The following ZBTB44 variants were observed in gnomAD, a reference collection of about 807,000 sequenced individuals.
ZBTB44 encodes zinc finger and BTB domain-containing protein 44.
Under a neutral mutation model 54.0 loss-of-function variants are expected in ZBTB44, and 15 were observed. The observed-to-expected ratio is 0.28, with a 90% CI of 0.19 to 0.43. The LOEUF (loss-of-function observed/expected upper bound fraction) is 0.43, where lower values mean the gene tolerates loss of function less well. Among genes scored for constraint, ZBTB44 ranks in the 20% least tolerant of loss-of-function variants. ZBTB44 has a pLI of 1.00. For missense variants in ZBTB44, 487 were observed against 707.1 expected (o/e 0.69, Z 3.53); for synonymous variants, 230 against 250.1 (o/e 0.92, Z 0.76).
chr11:130,293,306 TAAA>T (rs71061378), intron 1 of ZBTB44, among the ~76,000 whole-genome samples: 8 of 134,696 alleles, frequency 5.9e-5, no homozygotes, highest in Admixed American at 7.4e-5. Context: ...TACTAAAAAT[TAAA>T]AAAAAAAAAA....
intron 5 of ZBTB44, among the ~76,000 whole-genome samples, chr11:130,235,516 T>C (rs538942975): frequency 6.6e-6 from 1 of 152,004 alleles, no homozygotes; most frequent in South Asian, 2.1e-4. Context: ...ACAAATAAGG[T>C]TTTAAGTCAG....
At chr11:130,260,794 AG>A (rs2136432270) in intron 2 of ZBTB44, 61 bp downstream of exon 2, 1 of 1,506,368 alleles carries the variant, frequency 6.6e-7, no homozygotes, top group East Asian at 2.3e-5. Context: ...TTTATCTAAC[AG>A]GAACTTAAAA....
At chr11:130,293,074 T>G (rs1162031472) in intron 1 of ZBTB44, among the ~76,000 whole-genome samples, 1 of 152,212 alleles carries the variant, frequency 6.6e-6, no homozygotes, top group East Asian at 1.9e-4. Context: ...TGAAAGTGTT[T>G]TGTGATCTTT....
intron 2 of ZBTB44, among the ~76,000 whole-genome samples, chr11:130,258,956 C>A (rs1309157767): frequency 6.6e-6 from 1 of 152,114 alleles, no homozygotes; most frequent in Admixed American, 6.6e-5. Flanking sequence ...AGCCAAATCA[C>A]GAGTGAACTC....
chr11:130,294,978 C>A (rs1025469125), intron 1 of ZBTB44, among the ~76,000 whole-genome samples: 2 of 152,102 alleles, frequency 1.3e-5, no homozygotes, highest in Non-Finnish European at 2.9e-5. Flanking sequence ...ACTGCATATA[C>A]GCTTTAAAAT....
chr11:130,294,402 A>C (rs1251301255), intron 1 of ZBTB44, among the ~76,000 whole-genome samples: 1 of 151,492 alleles, frequency 6.6e-6, no homozygotes, highest in Non-Finnish European at 1.5e-5. Flanking sequence ...ACAGAGAGAG[A>C]CTCTGTCTTA....
chr11:130,237,871 C>T (rs1954176420), intron 4 of ZBTB44, among the ~76,000 whole-genome samples: 1 of 152,108 alleles, frequency 6.6e-6, no homozygotes, highest in East Asian at 1.9e-4. Context: ...CCACAAGAAT[C>T]CTGTTGCCTT....
chr11:130,303,989 C>T (rs528829138), intron 1 of ZBTB44, among the ~76,000 whole-genome samples: 2 of 152,260 alleles, frequency 1.3e-5, no homozygotes, highest in South Asian at 4.1e-4. Flanking sequence ...CCAATATCAA[C>T]ATTGTAACTA....
rs766236774 is a variant in ZBTB44 at position 130,261,702 on chromosome 11, T to C, written c.172A>G (p.Thr58Ala). 4 of 1,614,040 alleles carry C rather than the reference T, an allele frequency of 2.5e-6. No homozygotes were observed. The South Asian group carries it at 4.4e-5, about 18-fold the overall frequency. Residue 58 changes from threonine to alanine, a missense_variant, in exon 2 of 8, where the codon ACC becomes GCC. By Grantham distance (58) the Thr-to-Ala change is moderately conservative. This residue lies in a region of ZBTB44 where 90 missense variants were observed against 160.3 expected (regional missense o/e 0.56). Transcript: ENST00000357899. The surrounding 1 kb of genome is among the most constrained non-coding windows in gnomAD (Gnocchi z 4.8). ...VLAACSDFFR[T>A]KLVGQAEDEN... ...TCCTCGGCTTGGCCTACAAGTTTGGTGCGAAAGAAATCACTGCAAGCTGCT... is the reference window on the plus strand; with the variant it reads ...TCCTCGGCTTGGCCTACAAGTTTGGCGCGAAAGAAATCACTGCAAGCTGCT...
At chr11:130,273,526 C>T (rs900180577) in intron 1 of ZBTB44, among the ~76,000 whole-genome samples, 6 of 151,880 alleles carry the variant, frequency 4.0e-5, no homozygotes, top group Non-Finnish European at 2.9e-5. Context: ...TTGCCCAGGC[C>T]GGTCTCAAAC....
At position 130,228,594 on chromosome 11, in the gene ZBTB44, C is replaced by T. The variant is rs1327341763; in HGVS notation, c.*3170G>A. 1.3e-5 allele frequency: 2 copies of T among 152,128 alleles called. No homozygotes were observed. The highest frequency in any genetic ancestry group is 2.4e-5 in the African/African-American group (1 of 41,424). The allele number at this position is 152,128 out of a possible 1,614,324, so 9.4% of individuals were successfully genotyped here. ...CAGCTTCCACTAATACCAAGGGAAA[C>T]GTGCATTAAGAGGAGAGATGACAGG... On this transcript the variant is annotated 3_prime_UTR_variant, in exon 8 of 8. Transcript: ENST00000357899.
chr11:130,298,561 C>T (rs1941804169), intron 1 of ZBTB44, among the ~76,000 whole-genome samples: 1 of 148,734 alleles, frequency 6.7e-6, no homozygotes, highest in Non-Finnish European at 1.5e-5. Flanking sequence ...CTCCTGGGTT[C>T]AAGCGATTCT....
At chr11:130,291,027 C>T (rs565581221) in intron 1 of ZBTB44, among the ~76,000 whole-genome samples, 6 of 152,318 alleles carry the variant, frequency 3.9e-5, no homozygotes, top group African/African-American at 1.4e-4. Context: ...CATATTCCCA[C>T]TCTCCCAGCT....
In ZBTB44 at chr11:130,229,238, GAAA is replaced by G. The variant is rs1227978911; in HGVS notation, c.*2523_*2525del. On this transcript the variant is annotated 3_prime_UTR_variant, in exon 8 of 8. Coordinates refer to ENST00000357899, the MANE Select transcript of ZBTB44 (RefSeq NM_001301098.2). ...ATAAAAATATAATCACGATAGAGTGGAAATGTCTAACTGTATTAGTTTAGTAAA... is the reference window on the plus strand; with the variant it reads ...ATAAAAATATAATCACGATAGAGTGGTGTCTAACTGTATTAGTTTAGTAAA... 6.6e-6 allele frequency: 1 copy of G among 152,034 alleles called. No individual in the cohort carries two copies. Among genetic ancestry groups the G allele is most frequent in the Non-Finnish European group, 1.5e-5 (1 of 68,020 alleles). 9.4% of individuals were successfully genotyped at this position (152,034 alleles called of 1,614,324 possible). A position where few individuals can be genotyped will look rare whatever the true frequency, so the allele number is the denominator to read the frequency against.
chr11:130,277,997 T>C (rs1940231512), intron 1 of ZBTB44, among the ~76,000 whole-genome samples: 1 of 152,218 alleles, frequency 6.6e-6, no homozygotes, highest in Admixed American at 6.5e-5. Flanking sequence ...TGGTTCCATT[T>C]TGAGTGAGTT....
chr11:130,314,850 G>C lies in ZBTB44; in HGVS notation c.-532C>G, dbSNP rs1231122866. On this transcript the variant is annotated 5_prime_UTR_variant, in exon 1 of 8. Transcript: ENST00000357899. ...GAGCCGCCGCCGCGCGCGTGCGGCC[G>C]GCGCCGCCGCCGTTGCCGCTCCGCT... 6.7e-6 allele frequency: 1 copy of C among 148,884 alleles called. No individual in the cohort carries two copies. The highest frequency in any genetic ancestry group is 1.5e-5 in the Non-Finnish European group (1 of 67,232). The allele number at this position is 148,884 out of a possible 1,614,324, so 9.2% of individuals were successfully genotyped here. A position where few individuals can be genotyped will look rare whatever the true frequency, so the allele number is the denominator to read the frequency against.
intron 1 of ZBTB44, among the ~76,000 whole-genome samples, chr11:130,303,186 A>G (rs1047027293): frequency 6.6e-6 from 1 of 152,258 alleles, no homozygotes; most frequent in Admixed American, 6.5e-5. Context: ...GGAATCATCT[A>G]AAGTTGTTTC....
At chr11:130,291,759 A>G (rs960986299) in intron 1 of ZBTB44, among the ~76,000 whole-genome samples, 1 of 152,228 alleles carries the variant, frequency 6.6e-6, no homozygotes, top group Non-Finnish European at 1.5e-5. Flanking sequence ...GGAATCAATC[A>G]CATCTGTACT....
chr11:130,310,682 T>G (rs1221846138), intron 1 of ZBTB44, among the ~76,000 whole-genome samples: 1 of 152,234 alleles, frequency 6.6e-6, no homozygotes, highest in African/African-American at 2.4e-5. Flanking sequence ...ATGGTAAAGG[T>G]AAACAATACT....
Sources: gnomAD v4.1 joint callset for allele counts (sites outside exome capture counted in the v4.1 genomes callset) on GRCh38, gnomAD v4.1.1 for gene constraint, gnomAD v4.1.1 regional missense constraint, Gnocchi (gnomAD v3.1) non-coding constraint, MANE v1.5 for transcripts, NCBI Gene and HGNC (gene_info 2026-07-23, HGNC 2026-07-21) for gene names.